The following TIAL1 variants were observed in gnomAD, a reference collection of about 807,000 sequenced individuals.
TIAL1 encodes TIA1 cytotoxic granule associated RNA binding protein like 1.
In TIAL1, 7 loss-of-function variants were observed where a neutral mutation model predicts 59.7. The observed-to-expected ratio is 0.12, with a 90% CI of 0.07 to 0.22. The LOEUF (loss-of-function observed/expected upper bound fraction) is 0.22, where lower values mean the gene tolerates loss of function less well. TIAL1 is among the 10% of genes least tolerant of loss of function. TIAL1 has a pLI of 1.00. For missense variants in TIAL1, 225 were observed against 462.5 expected, an observed-to-expected ratio of 0.49 and a Z score of 4.71; for synonymous variants, 149 against 146.3, an observed-to-expected ratio of 1.02 and a Z score of -0.13.
At position 119,577,482 on chromosome 10, in the gene TIAL1, C is replaced by T; in HGVS notation, c.706G>A (p.Val236Ile). ...AATGAATAGCCCTTTTCTGGGAAAA[C>T]TCTTATTTCCATAATTTGTCCAAAT... Reference protein sequence around the residue: ...SPFGQIMEIRVFPEKGYSFVR... With the variant: ...SPFGQIMEIRIFPEKGYSFVR... The change falls in exon 9 of 12, where the codon GTT (valine) becomes ATT (isoleucine). Residue 236 changes from valine (V) to isoleucine (I), a missense_variant. Coordinates refer to ENST00000436547, the MANE Select transcript of TIAL1 (RefSeq NM_003252.4). 6.2e-7 allele frequency: 1 copy of T among 1,613,874 alleles called. No homozygotes were observed. The highest frequency in any genetic ancestry group is 8.5e-7 in the Non-Finnish European group (1 of 1,179,922).
chr10:119,592,507 C>T (rs1368729184), intron 1 of TIAL1, among the ~76,000 whole-genome samples: 8 of 152,158 alleles, frequency 5.3e-5, no homozygotes, highest in Non-Finnish European at 1.0e-4. Flanking sequence ...TGCTCTCACT[C>T]TGAAAAGAGT....
At position 119,575,474 on chromosome 10, in the gene TIAL1, T is replaced by C; in HGVS notation, c.*191A>G. Reference sequence around the variant, plus strand: ...AGAAAAATCATGTTCATATCCATCATGAACAAAAACTTAAAAAGGCAGAAC... The same window carrying C: ...AGAAAAATCATGTTCATATCCATCACGAACAAAAACTTAAAAAGGCAGAAC... On this transcript the variant is annotated 3_prime_UTR_variant, in exon 12 of 12. Coordinates refer to ENST00000436547, the MANE Select transcript of TIAL1 (RefSeq NM_003252.4). The C allele has an allele frequency of 1.8e-6, 1 of 567,952 alleles. No individual in the cohort carries two copies. Among genetic ancestry groups the C allele is most frequent in the Non-Finnish European group, 2.9e-6 (1 of 347,016 alleles). 35.2% of individuals were successfully genotyped at this position (567,952 alleles called of 1,614,324 possible). A position where few individuals can be genotyped will look rare whatever the true frequency, so the allele number is the denominator to read the frequency against.
At chr10:119,581,011 A>G (rs1845278516) in intron 5 of TIAL1, among the ~76,000 whole-genome samples, 2 of 152,096 alleles carry the variant, frequency 1.3e-5, no homozygotes, top group Admixed American at 1.3e-4. Flanking sequence ...AGCAAAGCAA[A>G]TATCAAAACA....
rs780101655 is a variant in TIAL1 at position 119,590,820 on chromosome 10, G to GAAAGAAAGAAAGAAAGAAAC, written c.33-2573_33-2572insGTTTCTTTCTTTCTTTCTTT. ...AGAAAGAAAGAAAGAAAGAAAGAAAGAAACGAACAAGTGATCTTGAGCTTC... is the reference window on the plus strand; with the variant it reads ...AGAAAGAAAGAAAGAAAGAAAGAAAGAAAGAAAGAAAGAAAGAAACAAACGAACAAGTGATCTTGAGCTTC... On this transcript the variant is annotated intron_variant, in intron 1 of 11. Coordinates refer to ENST00000436547, the MANE Select transcript of TIAL1 (RefSeq NM_003252.4). Among the ~76,000 whole-genome samples, 3 of 147,046 alleles carry GAAAGAAAGAAAGAAAGAAAC rather than the reference G, an allele frequency of 2.0e-5. 1 individual carries two copies. The East Asian group carries it at 6.0e-4, about 30-fold the overall frequency.
Position 119,596,509 on chromosome 10 carries a change from G to A in TIAL1, c.-44C>T, listed in dbSNP as rs768427732. ...ATCCCGGGACAAGGGGGAGGGCAGG[G>A]TTGGGGAGGGGAGGGGGTGGGGAGG... On this transcript the variant is annotated 5_prime_UTR_variant, in exon 1 of 12. Transcript: ENST00000436547. 2.3e-6 allele frequency: 2 copies of A among 881,708 alleles called. No individual in the cohort carries two copies. Among genetic ancestry groups the A allele is most frequent in the African/African-American group, 3.5e-5 (2 of 57,258 alleles). 54.6% of individuals were successfully genotyped at this position (881,708 alleles called of 1,614,324 possible). A position where few individuals can be genotyped will look rare whatever the true frequency, so the allele number is the denominator to read the frequency against.
At chr10:119,576,957 G>C in intron 10 of TIAL1, 123 bp downstream of exon 10, 1 of 1,394,538 alleles carries the variant, frequency 7.2e-7, no homozygotes, top group Non-Finnish European at 9.7e-7. Context: ...AATCAATTTT[G>C]AAATACAATC....
chr10:119,577,409 T>A (rs1845056685), intron 9 of TIAL1, 42 bp downstream of exon 9: 1 of 1,556,556 alleles, frequency 6.4e-7, no homozygotes, highest in African/African-American at 1.4e-5. Flanking sequence ...AAGGAATGAA[T>A]CAAATATAAG....
At chr10:119,596,342 C>G (rs1402338282) in intron 1 of TIAL1, 92 bp downstream of exon 1, 20 of 1,452,474 alleles carry the variant, frequency 1.4e-5, no homozygotes, top group Non-Finnish European at 1.9e-5. Context: ...CCTAGAGTCC[C>G]GGCTTCGGCC....
intron 1 of TIAL1, 93 bp from the exon 2 acceptor site, chr10:119,588,341 TTCTTTC>T (rs1432707112): frequency 4.4e-5 from 29 of 652,684 alleles, no homozygotes; most frequent in Middle Eastern, 5.5e-4. Flanking sequence ...CTTTCTTTCT[TTCTTTC>T]TTTCTTTTTT....
intron 2 of TIAL1, among the ~76,000 whole-genome samples, chr10:119,587,816 A>G (rs946852092): frequency 6.6e-6 from 1 of 152,230 alleles, no homozygotes; most frequent in African/African-American, 2.4e-5. Context: ...ACATGAACAC[A>G]TGCTGTCTAA....
At chr10:119,589,207 T>C (rs1408142695) in intron 1 of TIAL1, among the ~76,000 whole-genome samples, 4 of 152,106 alleles carry the variant, frequency 2.6e-5, no homozygotes, top group South Asian at 2.1e-4. Flanking sequence ...ATCAACAAAA[T>C]ATATATGTAT....
At chr10:119,587,430 G>A (rs1845624578) in intron 2 of TIAL1, among the ~76,000 whole-genome samples, 1 of 152,222 alleles carries the variant, frequency 6.6e-6, no homozygotes, top group African/African-American at 2.4e-5. Context: ...ACTGACCTAA[G>A]GCTGCACTGG....
At chr10:119,581,700 T>C in intron 5 of TIAL1, 1 of 380,546 alleles carries the variant, frequency 2.6e-6, no homozygotes, top group South Asian at 6.5e-5. Context: ...TTTTAACATA[T>C]TATACACAGG....
rs775576473 is a variant in TIAL1 at position 119,576,591 on chromosome 10, G to A, written c.1001+20C>T. The A allele has an allele frequency of 8.7e-6, 14 of 1,611,064 alleles. No individual in the cohort carries two copies. The highest frequency in any genetic ancestry group is 1.2e-5 in the Non-Finnish European group (14 of 1,179,210). On this transcript the variant is annotated intron_variant, in intron 11 of 11. Coordinates refer to ENST00000436547, the MANE Select transcript of TIAL1 (RefSeq NM_003252.4). ...GTCAGAACCATACGTTTCTATACTGGAAAAACCCAAACAACTTACTCTACT... is the reference window on the plus strand; with the variant it reads ...GTCAGAACCATACGTTTCTATACTGAAAAAACCCAAACAACTTACTCTACT...
intron 11 of TIAL1, 47 bp from the exon 12 acceptor site, chr10:119,575,838 A>G: frequency 6.6e-7 from 1 of 1,509,936 alleles, no homozygotes. Flanking sequence ...GAAAAAAAAA[A>G]TCACATATGT....
chr10:119,577,923 C>A (rs983415748), intron 7 of TIAL1, among the ~76,000 whole-genome samples, 187 bp from the exon 8 acceptor site: 6 of 152,026 alleles, frequency 3.9e-5, no homozygotes, highest in Non-Finnish European at 8.8e-5. Flanking sequence ...AATCCTGTCT[C>A]TACTAAAAAT....
In TIAL1 at chr10:119,587,943, A is replaced by C. The variant is rs187642192; in HGVS notation, c.129+209T>G. 1.7e-3 allele frequency among the ~76,000 whole-genome samples: 259 copies of C among 152,378 alleles called. 2 individuals are homozygous for C. The highest frequency in any genetic ancestry group is 6.0e-3 in the African/African-American group (250 of 41,590). On this transcript the variant is annotated intron_variant, in intron 2 of 11. Transcript: ENST00000436547. ...ACTTCAAGATAACCACACCATGAAGAATGACCGTTTGAGCTTAACAGCACG... is the reference window on the plus strand; with the variant it reads ...ACTTCAAGATAACCACACCATGAAGCATGACCGTTTGAGCTTAACAGCACG...
chr10:119,587,494 A>T (rs1045014824), intron 2 of TIAL1, among the ~76,000 whole-genome samples: 1 of 152,212 alleles, frequency 6.6e-6, no homozygotes, highest in African/African-American at 2.4e-5. Context: ...AGCATTTATT[A>T]TCCTACTTCC....
chr10:119,594,424 C>T (rs185213346), intron 1 of TIAL1, among the ~76,000 whole-genome samples: 159 of 152,240 alleles, frequency 1.0e-3, no homozygotes, highest in African/African-American at 3.6e-3. Context: ...GGAACAGATA[C>T]AGTAAATGAG....
Sources: allele counts gnomAD v4.1 joint callset (sites outside exome capture counted in the v4.1 genomes callset), GRCh38; gene constraint gnomAD v4.1.1; transcripts MANE v1.5; gene names NCBI Gene and HGNC (gene_info 2026-07-23, HGNC 2026-07-21).